CEP250: variants seen among roughly 807,000 people sequenced by gnomAD.
CEP250 encodes centrosome-associated protein CEP250.
In CEP250, 242 loss-of-function variants were observed where a neutral mutation model predicts 315.7. The observed-to-expected ratio is 0.77, with a 90% CI of 0.69 to 0.85. The LOEUF is 0.85. Ranked by LOEUF, CEP250 falls within the 40% of genes least tolerant of loss-of-function variation. The probability of loss-of-function intolerance (pLI) is 0.00; values close to 1 mark genes in which losing one functional copy is unlikely to be tolerated. For missense variants in CEP250, 2,515 were observed against 2,886.4 expected (o/e 0.87, Z 2.95); for synonymous variants, 1,088 against 1,175.0 (o/e 0.93, Z 1.51).
At chr20:35,499,714 G>A (rs992151013) in intron 27 of CEP250, among the ~76,000 whole-genome samples, 17 of 152,196 alleles carry the variant, frequency 1.1e-4, no homozygotes, top group Admixed American at 9.2e-4. Context: ...AGGGTCAGAA[G>A]GAAAGAAGAG....
intron 20 of CEP250, among the ~76,000 whole-genome samples, chr20:35,486,408 A>G (rs1233069732): frequency 1.4e-5 from 2 of 142,514 alleles, no homozygotes; most frequent in African/African-American, 2.6e-5. Context: ...TGCCTGGCTA[A>G]TTTTTTTTTT....
intron 10 of CEP250, 47 bp from the exon 11 acceptor site, chr20:35,472,003 C>A: frequency 8.7e-7 from 1 of 1,149,308 alleles, no homozygotes; most frequent in Non-Finnish European, 1.3e-6. Flanking sequence ...ATAATAAATT[C>A]ACTTTTGAGA....
At chr20:35,494,494 A>C (rs1410967147) in intron 23 of CEP250, 30 bp from the exon 24 acceptor site, 9 of 1,612,720 alleles carry the variant, frequency 5.6e-6, no homozygotes, top group African/African-American at 1.3e-5. Flanking sequence ...CTGCCCTGCC[A>C]TCTTGGTCTT....
Position 35,479,631 on chromosome 20 carries a change from T to C in CEP250, c.2289-15T>C, listed in dbSNP as rs375501260. 19 of 1,613,702 alleles carry C rather than the reference T, an allele frequency of 1.2e-5. No individual in the cohort carries two copies. The African/African-American group carries it at 2.3e-4, about 19-fold the overall frequency. On this transcript the variant is annotated splice_polypyrimidine_tract_variant and intron_variant, in intron 18 of 34. Coordinates refer to ENST00000397527, the MANE Select transcript of CEP250 (RefSeq NM_007186.6). ...TTGATGGGTAAGAAACTCTTCTGAT[T>C]CCTGAACCTCACAGCTCAGCCAAGG...
chr20:35,487,888 C>T (rs1169066796), intron 20 of CEP250, among the ~76,000 whole-genome samples: 1 of 152,232 alleles, frequency 6.6e-6, no homozygotes, highest in Non-Finnish European at 1.5e-5. Context: ...AATGTCCCTT[C>T]CAAATGGTTG....
rs1568835615 is a variant in CEP250, at chr20:35,503,763, G to A, written c.5394G>A (p.Glu1798=). The change falls in exon 30 of 35, where the codon GAG becomes GAA. Residue 1798 remains glutamate (E), a synonymous_variant. Transcript: ENST00000397527. This position sits in a 1 kb window ranked among gnomAD's most constrained non-coding sequence, Gnocchi z 4.2. ...QEAREQGELK[E]QSLQSQLDEA... ...CCAGGGAACAAGGGGAGCTGAAGGA[G>A]CAGTCACTTCAGAGTCAACTGGATG... is the stretch of plus-strand genomic sequence containing the variant. 1.2e-6 allele frequency: 2 copies of A among 1,614,002 alleles called. No homozygotes were observed. Among genetic ancestry groups the A allele is most frequent in the South Asian group, 2.2e-5 (2 of 91,082 alleles).
intron 30 of CEP250, among the ~76,000 whole-genome samples, chr20:35,507,029 C>G (rs898659430): frequency 6.6e-6 from 1 of 152,164 alleles, no homozygotes; most frequent in Non-Finnish European, 1.5e-5. Flanking sequence ...GGGTGAGACT[C>G]TTGTCTCAAA....
rs999512076 is a variant in CEP250, at chr20:35,516,830, C to T, written c.*5204C>T. The stretch of plus-strand genomic sequence containing the variant: ...CAAAGTGTCAAGCCAGTTGGATGCA[C>T]GGGTTGTGTGGAGTCCAGGGGTACA... On this transcript the variant is annotated 3_prime_UTR_variant, in exon 35 of 35. Transcript: ENST00000397527. 4 of 216,418 alleles carry T rather than the reference C, an allele frequency of 1.8e-5. No homozygotes were observed. The highest frequency in any genetic ancestry group is 1.6e-4 in the South Asian group (1 of 6,122). 13.4% of individuals were successfully genotyped at this position (216,418 alleles called of 1,614,324 possible). A position where few individuals can be genotyped will look rare whatever the true frequency, so the allele number is the denominator to read the frequency against.
intron 3 of CEP250, among the ~76,000 whole-genome samples, 194 bp from the exon 4 acceptor site, chr20:35,462,071 C>T (rs1189730764): frequency 2.6e-5 from 4 of 152,172 alleles, no homozygotes; most frequent in Non-Finnish European, 5.9e-5. Context: ...TGGTTTAGTG[C>T]AGAGTTCCAA....
rs978459572 is a variant in CEP250 at position 35,513,759 on chromosome 20, G to C, written c.*2133G>C. On this transcript the variant is annotated 3_prime_UTR_variant, in exon 35 of 35. Transcript: ENST00000397527. ...CACATACCTTCTGGGCCTCAGAGAG[G>C]TTCCAGCAGCTGAAAGACATCTTAG... 2 of 152,242 alleles carry C rather than the reference G, an allele frequency of 1.3e-5. No individual in the cohort carries two copies. Among genetic ancestry groups the C allele is most frequent in the Non-Finnish European group, 2.9e-5 (2 of 68,064 alleles). The allele number at this position is 152,242 out of a possible 1,614,324, so 9.4% of individuals were successfully genotyped here. A position where few individuals can be genotyped will look rare whatever the true frequency, so the allele number is the denominator to read the frequency against.
chr20:35,487,549 G>A (rs1444572032), intron 20 of CEP250, among the ~76,000 whole-genome samples: 3 of 152,148 alleles, frequency 2.0e-5, no homozygotes, highest in African/African-American at 7.2e-5. Flanking sequence ...CCCTTTAAGA[G>A]TAATGATATT....
At chr20:35,494,239 G>A (rs1365483325) in intron 23 of CEP250, 1 of 322,628 alleles carries the variant, frequency 3.1e-6, no homozygotes, top group African/African-American at 2.1e-5. Flanking sequence ...CTCCCAAAGT[G>A]TTGAGATTAC....
In CEP250 at chr20:35,491,265, G is replaced by C; in HGVS notation, c.2808G>C (p.Gln936His). Residue 936 changes from glutamine to histidine, a missense_variant, in exon 22 of 35, where the codon CAG (glutamine) becomes CAC (histidine). Gln to His is a conservative substitution (Grantham distance 24). Coordinates refer to ENST00000397527, the MANE Select transcript of CEP250 (RefSeq NM_007186.6). ...TATCCCTCCTGGAGACACTGCTGCA[G>C]ACGCAGAAGGAGCTAGCAGATGCCA... ...ERVSLLETLL[Q>H]TQKELADASQ... 1 of 1,608,366 alleles carries C rather than the reference G, an allele frequency of 6.2e-7. No individual in the cohort carries two copies. Among genetic ancestry groups the C allele is most frequent in the African/African-American group, 1.3e-5 (1 of 74,902 alleles).
intron 24 of CEP250, among the ~76,000 whole-genome samples, chr20:35,495,256 C>T (rs1381594075): frequency 6.6e-6 from 1 of 152,162 alleles, no homozygotes; most frequent in Non-Finnish European, 1.5e-5. Context: ...ATGAGCTGGG[C>T]AGGTCCACAG....
Position 35,518,131 on chromosome 20 carries a change from G to GTTTTT in CEP250, c.*6509_*6510insTTTTT, listed in dbSNP as rs1437272904. ...TCAAACTCCTCTTCAGAGGCAGCGG[G>GTTTTT]TTTTGTTTTTTTTTTAACTATGTTT... is the stretch of plus-strand genomic sequence containing the variant. On this transcript the variant is annotated 3_prime_UTR_variant, in exon 35 of 35. Coordinates refer to ENST00000397527, the MANE Select transcript of CEP250 (RefSeq NM_007186.6). 14 of 83,504 alleles carry GTTTTT rather than the reference G, an allele frequency of 1.7e-4. No homozygotes were observed. The highest frequency in any genetic ancestry group is 4.4e-4 in the African/African-American group (14 of 32,134). The allele number at this position is 83,504 out of a possible 1,614,324, so 5.2% of individuals were successfully genotyped here. A position where few individuals can be genotyped will look rare whatever the true frequency, so the allele number is the denominator to read the frequency against.
rs1171782235 is a variant in CEP250, at chr20:35,474,063, C to T, written c.1571+11C>T. 1.3e-6 allele frequency: 2 copies of T among 1,517,806 alleles called. No individual in the cohort carries two copies. The highest frequency in any genetic ancestry group is 1.3e-5 in the South Asian group (1 of 79,656). 94.0% of individuals were successfully genotyped at this position (1,517,806 alleles called of 1,614,324 possible). ...GGAGAGGGAGCGTCTGTAAGTGAGA[C>T]TAGTCTCCTCCTCGCTGGGCCCTGG... On this transcript the variant is annotated intron_variant, in intron 14 of 34. Transcript: ENST00000397527.
Position 35,515,150 on chromosome 20 carries a change from C to T in CEP250, c.*3524C>T, listed in dbSNP as rs989586797. The stretch of plus-strand genomic sequence containing the variant: ...GGGATCGGTTGGAGTAGCTTCTTGA[C>T]CAGCCGGAATTGGGTTAGGTGTCCT... On this transcript the variant is annotated 3_prime_UTR_variant, in exon 35 of 35. Transcript: ENST00000397527. 1 of 152,336 alleles carries T rather than the reference C, an allele frequency of 6.6e-6. No individual in the cohort carries two copies. Among genetic ancestry groups the T allele is most frequent in the Non-Finnish European group, 1.5e-5 (1 of 68,242 alleles). 9.4% of individuals were successfully genotyped at this position (152,336 alleles called of 1,614,324 possible).
chr20:35,466,931 G>A (rs1051811400), intron 7 of CEP250, 35 bp from the exon 8 acceptor site: 3 of 1,386,406 alleles, frequency 2.2e-6, no homozygotes, highest in Non-Finnish European at 3.1e-6. Flanking sequence ...ATAGCCCTCT[G>A]CCTTTGGGTA....
rs956120871 is a variant in CEP250, at chr20:35,518,989, C to T, written c.*7363C>T. ...CAGAGGTTGCAGTGAGCTGAGATCG[C>T]GTCACTGCACTCCAGCCTGGGTGGC... On this transcript the variant is annotated 3_prime_UTR_variant, in exon 35 of 35. Transcript: ENST00000397527. 2 of 150,718 alleles carry T rather than the reference C, an allele frequency of 1.3e-5. No homozygotes were observed. The highest frequency in any genetic ancestry group is 2.4e-5 in the African/African-American group (1 of 40,888). 9.3% of individuals were successfully genotyped at this position (150,718 alleles called of 1,614,324 possible). A position where few individuals can be genotyped will look rare whatever the true frequency, so the allele number is the denominator to read the frequency against.
Sources: allele counts gnomAD v4.1 joint callset (sites outside exome capture counted in the v4.1 genomes callset), GRCh38; gene constraint gnomAD v4.1.1; non-coding constraint Gnocchi (gnomAD v3.1); transcripts MANE v1.5; gene names NCBI Gene and HGNC (gene_info 2026-07-23, HGNC 2026-07-21).